Variants in DCAF6 observed in about 807,000 individuals in gnomAD.
DCAF6 encodes DDB1- and CUL4-associated factor 6.
A neutral mutation model predicts 125.1 loss-of-function variants in DCAF6; 54 were observed. The observed-to-expected ratio is 0.43, with a 90% CI of 0.35 to 0.54. The LOEUF (loss-of-function observed/expected upper bound fraction) is 0.54, where lower values mean the gene tolerates loss of function less well. DCAF6 is among the 20% of genes least tolerant of loss of function. The probability of loss-of-function intolerance (pLI) is 0.01; values close to 1 mark genes in which losing one functional copy is unlikely to be tolerated. For missense variants in DCAF6, 934 were observed against 1,161.7 expected (o/e 0.80, Z 2.85); for synonymous variants, 371 against 390.4 (o/e 0.95, Z 0.58).
At chr1:167,987,721 G>C (rs1444049082) in intron 5 of DCAF6, 113 bp downstream of exon 5, 1 of 557,240 alleles carries the variant, frequency 1.8e-6, no homozygotes, top group East Asian at 2.9e-5. Flanking sequence ...TATGTGGATG[G>C]TAAGATTATG....
At chr1:168,041,019 A>G (rs1222347739) in intron 13 of DCAF6, among the ~76,000 whole-genome samples, 1 of 151,858 alleles carries the variant, frequency 6.6e-6, no homozygotes, top group African/African-American at 2.4e-5. Flanking sequence ...GAACATGCTA[A>G]GAGCTTGGAC....
chr1:168,075,746 C>T lies in DCAF6; in HGVS notation c.*311C>T, dbSNP rs370630507. On this transcript the variant is annotated 3_prime_UTR_variant, in exon 22 of 22. Transcript: ENST00000367840. ...ATCAATGTTGAAGAATAATTTTCAT[C>T]ATAGTGAAAATGTTGGTTCAAATAA... The T allele has an allele frequency of 2.4e-4, 54 of 228,776 alleles. No individual in the cohort carries two copies. The highest frequency in any genetic ancestry group is 2.8e-3 in the Middle Eastern group (2 of 714). 14.2% of individuals were successfully genotyped at this position (228,776 alleles called of 1,614,324 possible). A position where few individuals can be genotyped will look rare whatever the true frequency, so the allele number is the denominator to read the frequency against.
At chr1:167,909,514 A>T in the DCAF6 span, among the ~76,000 whole-genome samples, 1 of 152,122 alleles carries the variant, frequency 6.6e-6, no homozygotes. Flanking sequence ...AGCCCAACAC[A>T]AATTTGTAAA....
chr1:167,913,027 C>A, the DCAF6 span, among the ~76,000 whole-genome samples: 3 of 152,184 alleles, frequency 2.0e-5, no homozygotes, highest in Non-Finnish European at 4.4e-5. Flanking sequence ...ATGACCTAGA[C>A]AAAAGATGTA....
chr1:167,937,610 G>C (rs1385709723), intron 1 of DCAF6, among the ~76,000 whole-genome samples: 1 of 152,190 alleles, frequency 6.6e-6, no homozygotes, highest in Non-Finnish European at 1.5e-5. Flanking sequence ...ACCGCTTAAA[G>C]GTGGTGTAGG....
the DCAF6 span, among the ~76,000 whole-genome samples, chr1:167,926,907 C>CA: frequency 6.6e-6 from 1 of 152,084 alleles, no homozygotes; most frequent in East Asian, 1.9e-4. Context: ...AAAAAACAAA[C>CA]AAAAAAACTC....
chr1:167,991,472 T>TA, intron 6 of DCAF6, 133 bp downstream of exon 6: 1 of 882,304 alleles, frequency 1.1e-6, no homozygotes. Context: ...TGGATTATTA[T>TA]AAAAAATAAC....
chr1:168,060,994 T>A (rs1376499041), intron 17 of DCAF6, among the ~76,000 whole-genome samples: 1 of 152,240 alleles, frequency 6.6e-6, no homozygotes, highest in Non-Finnish European at 1.5e-5. Context: ...TCTACTTTCT[T>A]AGCAAAAGAG....
chr1:168,014,336 A>C (rs1684676435), intron 10 of DCAF6, among the ~76,000 whole-genome samples: 1 of 152,132 alleles, frequency 6.6e-6, no homozygotes, highest in Non-Finnish European at 1.5e-5. Context: ...ATACAATTTC[A>C]CGACTTAGCC....
At chr1:167,891,851 G>A in the DCAF6 span, among the ~76,000 whole-genome samples, 1 of 152,156 alleles carries the variant, frequency 6.6e-6, no homozygotes, top group Non-Finnish European at 1.5e-5. Flanking sequence ...GAAGGAATTG[G>A]TATAGGGAAT....
Position 167,991,258 on chromosome 1 carries a change from A to C in DCAF6, c.607A>C (p.Ile203Leu). 1 of 1,613,350 alleles carries C rather than the reference A, an allele frequency of 6.2e-7. No individual in the cohort carries two copies. Residue 203 changes from isoleucine to leucine, a missense_variant, in exon 6 of 22, where the codon ATA (isoleucine) becomes CTA (leucine). This residue lies in a region of DCAF6 where 309 missense variants were observed against 381.2 expected (regional missense o/e 0.81). Coordinates refer to ENST00000367840, the MANE Select transcript of DCAF6 (RefSeq NM_001198956.2). ...CACGTCTGTTGCTATTTGCCCACCA[A>C]TACCATATTACCTTGCTGTTGGTTG... The part of the protein sequence containing the change: ...AATSVAICPP[I>L]PYYLAVGCSD...
At chr1:167,926,339 T>C in the DCAF6 span, among the ~76,000 whole-genome samples, 1 of 152,166 alleles carries the variant, frequency 6.6e-6, no homozygotes, top group Non-Finnish European at 1.5e-5. Flanking sequence ...CTCTAAGCAG[T>C]ATTGTTCTGG....
intron 4 of DCAF6, among the ~76,000 whole-genome samples, chr1:167,984,664 T>C (rs1209870710): frequency 2.0e-5 from 3 of 152,326 alleles, no homozygotes; most frequent in Middle Eastern, 3.4e-3. Flanking sequence ...TTTTCACAAA[T>C]ATGAAATGAG....
intron 12 of DCAF6, among the ~76,000 whole-genome samples, chr1:168,033,300 G>A (rs1687344210): frequency 6.7e-6 from 1 of 149,442 alleles, no homozygotes; most frequent in Non-Finnish European, 1.5e-5. Context: ...TTTCTGAAAA[G>A]GATCTTTTTT....
At chr1:167,875,130 C>G in the DCAF6 span, 1 of 1,613,858 alleles carries the variant, frequency 6.2e-7, no homozygotes, top group African/African-American at 1.3e-5. Context: ...CTACTACCTA[C>G]CCAGCAAAGG....
chr1:167,869,871 T>C, the DCAF6 span, among the ~76,000 whole-genome samples: 10 of 152,090 alleles, frequency 6.6e-5, no homozygotes, highest in Non-Finnish European at 1.5e-4. Flanking sequence ...TCTCGGTGTC[T>C]GAGGGGTTTT....
chr1:167,915,128 C>T, the DCAF6 span, among the ~76,000 whole-genome samples: 1 of 152,270 alleles, frequency 6.6e-6, no homozygotes, highest in Admixed American at 6.5e-5. Context: ...GAGGTCCATC[C>T]TCATTAACAT....
chr1:167,867,006 A>G, the DCAF6 span, among the ~76,000 whole-genome samples: 11 of 152,194 alleles, frequency 7.2e-5, no homozygotes, highest in Non-Finnish European at 1.3e-4. Flanking sequence ...AATCAGTACC[A>G]AAGGACATCA....
intron 12 of DCAF6, among the ~76,000 whole-genome samples, chr1:168,030,230 A>G (rs1277463122): frequency 6.6e-6 from 1 of 152,214 alleles, no homozygotes; most frequent in African/African-American, 2.4e-5. Context: ...TGAGGGCCAA[A>G]TAAGGCATCC....
Sources: allele counts gnomAD v4.1 joint callset (sites outside exome capture counted in the v4.1 genomes callset), GRCh38; gene constraint gnomAD v4.1.1; regional missense constraint gnomAD v4.1.1; transcripts MANE v1.5; gene names NCBI Gene and HGNC (gene_info 2026-07-23, HGNC 2026-07-21).